The following ANKRD30B variants were observed in gnomAD, a reference collection of about 807,000 sequenced individuals.
ANKRD30B encodes ankyrin repeat domain 30B, also known as ankyrin repeat domain-containing protein 30B.
A neutral mutation model predicts 202.2 loss-of-function variants in ANKRD30B; 144 were observed. That is an observed-to-expected ratio of 0.71 (90% confidence interval 0.62 to 0.82). The LOEUF is 0.82. ANKRD30B is among the 40% of genes least tolerant of loss of function. The pLI is 0.00. For missense variants in ANKRD30B, 1,487 were observed against 1,669.1 expected (o/e 0.89, Z 1.90); for synonymous variants, 508 against 561.3 (o/e 0.91, Z 1.34).
intron 24 of ANKRD30B, among the ~76,000 whole-genome samples, chr18:14,807,385 A>C (rs1395354374): frequency 6.6e-6 from 1 of 150,820 alleles, no homozygotes; most frequent in Admixed American, 6.6e-5. Flanking sequence ...AATTAGTTTT[A>C]GCAAAGCAAA....
rs182708155 is a variant in ANKRD30B at position 14,763,132 on chromosome 18, A to C, written c.821-554A>C. 2.0e-5 allele frequency among the ~76,000 whole-genome samples: 3 copies of C among 151,998 alleles called. No individual in the cohort carries two copies. In the East Asian group the frequency reaches 5.8e-4, roughly 29 times the overall value. ...TTTTTTATTATTTATTACTTTATTT[A>C]GTGTTTACTCTGTGCCAGAACCCCT... On this transcript the variant is annotated intron_variant, in intron 6 of 43. Coordinates refer to ENST00000690538, the MANE Select transcript of ANKRD30B (RefSeq NM_001367607.2).
chr18:14,918,880 A>G, the ANKRD30B span, among the ~76,000 whole-genome samples: 2 of 152,202 alleles, frequency 1.3e-5, no homozygotes, highest in African/African-American at 4.8e-5. Flanking sequence ...CAGAGCTATC[A>G]TGTGTGGGTT....
At chr18:14,912,802 T>C in the ANKRD30B span, among the ~76,000 whole-genome samples, 3 of 152,360 alleles carry the variant, frequency 2.0e-5, no homozygotes, top group African/African-American at 7.2e-5. Context: ...CTCATCATTG[T>C]TCTGTTTTGG....
the ANKRD30B span, among the ~76,000 whole-genome samples, chr18:14,860,865 T>A: frequency 6.6e-6 from 1 of 152,038 alleles, no homozygotes; most frequent in Non-Finnish European, 1.5e-5. Flanking sequence ...CCACCACACT[T>A]GGCAAATTTT....
At chr18:14,803,635 A>G in intron 23 of ANKRD30B, 99 bp from the exon 24 acceptor site, 1 of 1,404,346 alleles carries the variant, frequency 7.1e-7, no homozygotes. Flanking sequence ...GTAAAGTAGG[A>G]AACTGTGTTT....
chr18:14,807,437 T>A (rs1253238642), intron 24 of ANKRD30B, among the ~76,000 whole-genome samples: 1 of 150,030 alleles, frequency 6.7e-6, no homozygotes, highest in African/African-American at 2.5e-5. Flanking sequence ...AACTGTTATT[T>A]TCAATAACCA....
chr18:14,912,987 A>G, the ANKRD30B span, among the ~76,000 whole-genome samples: 1 of 152,214 alleles, frequency 6.6e-6, no homozygotes, highest in Non-Finnish European at 1.5e-5. Flanking sequence ...CAATTATGCA[A>G]TTGCTGGGTC....
the ANKRD30B span, among the ~76,000 whole-genome samples, chr18:14,924,289 G>A: frequency 1.3e-5 from 2 of 152,210 alleles, no homozygotes; most frequent in African/African-American, 4.8e-5. Context: ...AGGATTCTGG[G>A]AAGTTCACAG....
chr18:14,924,228 T>A, the ANKRD30B span, among the ~76,000 whole-genome samples: 1 of 152,240 alleles, frequency 6.6e-6, no homozygotes, highest in Admixed American at 6.5e-5. Context: ...TATTTTAGCA[T>A]TGAAAGAAAA....
chr18:14,921,087 A>G, the ANKRD30B span, among the ~76,000 whole-genome samples: 1 of 152,210 alleles, frequency 6.6e-6, no homozygotes, highest in Non-Finnish European at 1.5e-5. Context: ...GTAATGAGGA[A>G]GTGATCAGGT....
the ANKRD30B span, among the ~76,000 whole-genome samples, chr18:14,894,039 A>G: frequency 1.3e-5 from 2 of 152,144 alleles, no homozygotes; most frequent in African/African-American, 4.8e-5. Flanking sequence ...TTGACCATTT[A>G]GCCTTGCCAG....
chr18:14,827,272 A>T (rs537029826), intron 32 of ANKRD30B, among the ~76,000 whole-genome samples: 1 of 152,322 alleles, frequency 6.6e-6, no homozygotes, highest in African/African-American at 2.4e-5. Context: ...GGATGCCTTA[A>T]TATTTCATTG....
chr18:14,940,308 G>A, the ANKRD30B span, among the ~76,000 whole-genome samples: 1 of 152,286 alleles, frequency 6.6e-6, no homozygotes, highest in Non-Finnish European at 1.5e-5. Flanking sequence ...GCATCTCTCC[G>A]AAAACAAGCT....
the ANKRD30B span, among the ~76,000 whole-genome samples, chr18:14,895,121 G>T: frequency 6.8e-6 from 1 of 147,772 alleles, no homozygotes; most frequent in African/African-American, 2.5e-5. Context: ...GGCAACAACT[G>T]ACACTGGGGA....
intron 5 of ANKRD30B, among the ~76,000 whole-genome samples, chr18:14,758,870 G>A (rs1914804796): frequency 6.6e-6 from 1 of 152,100 alleles, no homozygotes; most frequent in African/African-American, 2.4e-5. Context: ...CTATATTCCT[G>A]GCACTTTATA....
chr18:14,907,858 T>C, the ANKRD30B span, among the ~76,000 whole-genome samples: 2 of 152,148 alleles, frequency 1.3e-5, no homozygotes, highest in South Asian at 4.1e-4. Context: ...CCCAGAGCCA[T>C]CATTTCATCT....
chr18:14,797,493 T>C (rs1968991847), intron 18 of ANKRD30B, among the ~76,000 whole-genome samples, 168 bp from the exon 19 acceptor site: 1 of 152,188 alleles, frequency 6.6e-6, no homozygotes. Flanking sequence ...GGGGTCTCCC[T>C]ACAGTTGGCA....
the ANKRD30B span, among the ~76,000 whole-genome samples, chr18:14,892,062 T>C: frequency 9.9e-5 from 15 of 152,144 alleles, no homozygotes; most frequent in East Asian, 2.7e-3. Context: ...ACAAATGGAG[T>C]AGTTGGTTTC....
chr18:14,898,517 C>G, the ANKRD30B span, among the ~76,000 whole-genome samples: 2 of 152,166 alleles, frequency 1.3e-5, no homozygotes, highest in Non-Finnish European at 2.9e-5. Context: ...GGCCACGGAC[C>G]AGTACCAGTC....
Sources: allele counts gnomAD v4.1 joint callset (sites outside exome capture counted in the v4.1 genomes callset), GRCh38; gene constraint gnomAD v4.1.1; transcripts MANE v1.5; gene names NCBI Gene and HGNC (gene_info 2026-07-23, HGNC 2026-07-21).